PRKCA: variants seen among roughly 807,000 people sequenced by gnomAD.
PRKCA encodes the protein protein kinase C alpha type.
A neutral mutation model predicts 87.0 loss-of-function variants in PRKCA; 27 were observed. The observed-to-expected ratio is 0.31, with a 90% CI of 0.23 to 0.43. PRKCA has a LOEUF of 0.43. Ranked by LOEUF, PRKCA falls within the 20% of genes least tolerant of loss-of-function variation. The probability of loss-of-function intolerance (pLI) is 1.00; values close to 1 mark genes in which losing one functional copy is unlikely to be tolerated. For synonymous variants in PRKCA, 329 were observed against 311.1 expected (o/e 1.06, Z -0.61); for missense variants, 518 against 852.3 (o/e 0.61, Z 4.88).
intron 13 of PRKCA, among the ~76,000 whole-genome samples, chr17:66,747,051 T>G (rs1441508781): frequency 2.0e-5 from 3 of 152,162 alleles, no homozygotes; most frequent in Admixed American, 6.5e-5. Flanking sequence ...TCATTTTATT[T>G]ATTTTATATA....
chr17:66,397,129 C>T (rs948686744), intron 2 of PRKCA, among the ~76,000 whole-genome samples: 1 of 151,464 alleles, frequency 6.6e-6, no homozygotes, highest in Non-Finnish European at 1.5e-5. Flanking sequence ...CCATGCCCAG[C>T]TAATTTTTGT....
chr17:66,347,665 T>G (rs1907472289), intron 2 of PRKCA, among the ~76,000 whole-genome samples: 1 of 152,196 alleles, frequency 6.6e-6, no homozygotes, highest in South Asian at 2.1e-4. Flanking sequence ...AGTATCACCA[T>G]CAGTCTCATC....
intron 3 of PRKCA, among the ~76,000 whole-genome samples, chr17:66,550,750 C>T (rs1378104256): frequency 2.6e-5 from 4 of 152,150 alleles, no homozygotes; most frequent in Non-Finnish European, 4.4e-5. Context: ...TTCCTGCCAG[C>T]ATTAAATGTC....
At chr17:66,638,844 TA>T (rs750464346) in intron 3 of PRKCA, among the ~76,000 whole-genome samples, 153 of 141,442 alleles carry the variant, frequency 1.1e-3, no homozygotes, top group Non-Finnish European at 1.1e-3. Flanking sequence ...CAAGACTGTC[TA>T]AAAAAAAAAA....
At chr17:66,702,951 T>C (rs1366305101) in intron 8 of PRKCA, among the ~76,000 whole-genome samples, 1 of 152,024 alleles carries the variant, frequency 6.6e-6, no homozygotes, top group Non-Finnish European at 1.5e-5. Context: ...AAAAATACAA[T>C]ATAAAAGAAA....
intron 2 of PRKCA, among the ~76,000 whole-genome samples, chr17:66,341,136 A>G (rs1907019505): frequency 6.6e-6 from 1 of 152,172 alleles, no homozygotes. Flanking sequence ...TGCCGAATCA[A>G]AATTTTTCTG....
intron 2 of PRKCA, among the ~76,000 whole-genome samples, chr17:66,396,716 C>T (rs1368466253): frequency 1.3e-5 from 2 of 149,412 alleles, no homozygotes; most frequent in Non-Finnish European, 3.0e-5. Context: ...GCAACCTCTG[C>T]CTTCTGGGTT....
intron 3 of PRKCA, among the ~76,000 whole-genome samples, chr17:66,519,274 T>C (rs1169356709): frequency 3.3e-5 from 5 of 152,230 alleles, no homozygotes; most frequent in Non-Finnish European, 7.4e-5. Flanking sequence ...ACAGTTTAGA[T>C]GGAAATTGGC....
At chr17:66,623,329 G>T (rs1442519526) in intron 3 of PRKCA, among the ~76,000 whole-genome samples, 1 of 152,060 alleles carries the variant, frequency 6.6e-6, no homozygotes, top group Admixed American at 6.6e-5. Context: ...ACACATCAGC[G>T]GGCAATAGAT....
intron 3 of PRKCA, among the ~76,000 whole-genome samples, chr17:66,504,475 C>G (rs1259506019): frequency 6.6e-6 from 1 of 151,982 alleles, no homozygotes. Context: ...ACCTGTAATC[C>G]CAGCTACTTG....
chr17:66,757,850 G>A (rs965340437), intron 13 of PRKCA, among the ~76,000 whole-genome samples: 3 of 152,050 alleles, frequency 2.0e-5, no homozygotes, highest in Non-Finnish European at 2.9e-5. Context: ...TCAGCCTCTC[G>A]AGTAGCTGGG....
chr17:66,450,937 A>G lies in PRKCA; in HGVS notation c.206-45264A>G, dbSNP rs1211692776. 2.6e-5 allele frequency among the ~76,000 whole-genome samples: 4 copies of G among 152,198 alleles called. No homozygotes were observed. In the East Asian group the frequency reaches 5.8e-4, roughly 22 times the overall value. ...GATGCAGGGGTTTACTGCTGAGTGAAGTTCTAGAATTTTGCTGAAAGTAAC... is the reference window on the plus strand; with the variant it reads ...GATGCAGGGGTTTACTGCTGAGTGAGGTTCTAGAATTTTGCTGAAAGTAAC... On this transcript the variant is annotated intron_variant, in intron 2 of 16. Transcript: ENST00000413366.
At chr17:66,490,137 A>G (rs562633766) in intron 2 of PRKCA, among the ~76,000 whole-genome samples, 22 of 152,108 alleles carry the variant, frequency 1.4e-4, no homozygotes, top group Non-Finnish European at 2.6e-4. Flanking sequence ...GTAATCATAA[A>G]AAGTCTATAT....
intron 2 of PRKCA, among the ~76,000 whole-genome samples, chr17:66,412,393 A>G (rs557168131): frequency 2.8e-4 from 43 of 152,122 alleles, no homozygotes; most frequent in Non-Finnish European, 5.6e-4. Flanking sequence ...TTACTTTTGC[A>G]CTTTTACTTA....
At chr17:66,380,020 T>G (rs749895854) in intron 2 of PRKCA, among the ~76,000 whole-genome samples, 12 of 152,182 alleles carry the variant, frequency 7.9e-5, no homozygotes, top group Non-Finnish European at 1.0e-4. Flanking sequence ...CACAGGATGC[T>G]AAAATTATAG....
At chr17:66,726,094 T>C (rs7220836) in intron 8 of PRKCA, among the ~76,000 whole-genome samples, 39,362 of 140,540 alleles carry the variant, frequency 0.28, 7,059 homozygotes, top group African/African-American at 0.43. Flanking sequence ...GCAGGAGTGG[T>C]CTGAATGGAA....
chr17:66,641,550 T>A, intron 4 of PRKCA, 84 bp downstream of exon 4: 1 of 854,292 alleles, frequency 1.2e-6, no homozygotes, highest in South Asian at 1.8e-5. Context: ...CTCAGTAACT[T>A]TTCAACACCA....
At chr17:66,463,386 T>G (rs1015482761) in intron 2 of PRKCA, among the ~76,000 whole-genome samples, 4 of 151,828 alleles carry the variant, frequency 2.6e-5, no homozygotes, top group Admixed American at 6.6e-5. Context: ...TTCTGTGTTT[T>G]TTTTTTTTTA....
chr17:66,714,751 A>G (rs1269686525), intron 8 of PRKCA, among the ~76,000 whole-genome samples: 1 of 152,150 alleles, frequency 6.6e-6, no homozygotes, highest in African/African-American at 2.4e-5. Flanking sequence ...AGAAGTGTGC[A>G]GTGCCTTTAC....
Sources: allele counts gnomAD v4.1 joint callset (sites outside exome capture counted in the v4.1 genomes callset), GRCh38; gene constraint gnomAD v4.1.1; transcripts MANE v1.5; gene names NCBI Gene and HGNC (gene_info 2026-07-23, HGNC 2026-07-21).